ABCG8: variants seen among roughly 807,000 people sequenced by gnomAD.
The protein encoded by ABCG8 is ATP binding cassette subfamily G member 8, also known as ATP-binding cassette sub-family G member 8.
Under a neutral mutation model 71.3 loss-of-function variants are expected in ABCG8, and 81 were observed. That is an observed-to-expected ratio of 1.14 (90% CI 0.95 to 1.37). The LOEUF is 1.37. ABCG8 is among the 40% of genes most tolerant of loss of function. The probability of loss-of-function intolerance (pLI) is 0.00; values close to 1 mark genes in which losing one functional copy is unlikely to be tolerated. For synonymous variants in ABCG8, 451 were observed against 354.7 expected (o/e 1.27, Z -3.05); for missense variants, 1,119 against 866.2 (o/e 1.29, Z -3.66).
At chr2:43,875,009 C>T (rs981937350) in intron 10 of ABCG8, 137 bp from the exon 11 acceptor site, 7 of 1,276,652 alleles carry the variant, frequency 5.5e-6, no homozygotes, top group African/African-American at 2.9e-5. Context: ...TCCTGGGTCC[C>T]AGCACACCCT....
intron 11 of ABCG8, among the ~76,000 whole-genome samples, chr2:43,876,802 AAG>A (rs1465315287): frequency 4.7e-5 from 7 of 147,718 alleles, no homozygotes; most frequent in Admixed American, 2.7e-4. Flanking sequence ...TGGGAATATG[AAG>A]AGACTGTGTG....
rs1429159369 is a variant in ABCG8 at position 43,875,337 on chromosome 2, C to T, written c.1680C>T (p.Ser560=). The T allele has an allele frequency of 6.2e-7, 1 of 1,614,180 alleles. No homozygotes were observed. The highest frequency in any genetic ancestry group is 8.5e-7 in the Non-Finnish European group (1 of 1,180,034). ...AALLPTFHMA[S]FFSNALYNSF... is the part of the protein sequence containing the mutation. ...TGCTCCCCACCTTCCACATGGCCTC[C>T]TTCTTCAGCAATGCCCTCTACAACT... Residue 560 remains serine, a synonymous_variant, in exon 11 of 13, where the codon TCC becomes TCT. Transcript: ENST00000272286.
At chr2:43,876,795 G>A (rs1669972125) in intron 11 of ABCG8, among the ~76,000 whole-genome samples, 1 of 151,052 alleles carries the variant, frequency 6.6e-6, no homozygotes, top group Non-Finnish European at 1.5e-5. Context: ...GAGACCGTGG[G>A]AATATGAAGA....
Position 43,852,407 on chromosome 2 carries a change from G to A in ABCG8, c.615G>A (p.Val205=). ...TTAGGCAGTGCGCTGACACCCGCGT[G>A]GGCAACATGTACGTGCGGGGGTTGT... ...LRLRQCADTR[V]GNMYVRGLSG... is the part of the protein sequence containing the mutation. Residue 205 remains valine, a synonymous_variant, in exon 5 of 13, where the codon GTG becomes GTA. Transcript: ENST00000272286. The A allele has an allele frequency of 6.2e-7, 1 of 1,612,504 alleles. No homozygotes were observed. The highest frequency in any genetic ancestry group is 2.2e-5 in the East Asian group (1 of 44,876).
chr2:43,870,175 C>T (rs1306173376), intron 6 of ABCG8, among the ~76,000 whole-genome samples: 1 of 151,692 alleles, frequency 6.6e-6, no homozygotes, highest in East Asian at 2.0e-4. Flanking sequence ...AATTCTCACC[C>T]TCTGGATAGA....
At chr2:43,840,607 C>G (rs539780388) in intron 1 of ABCG8, among the ~76,000 whole-genome samples, 1 of 152,304 alleles carries the variant, frequency 6.6e-6, no homozygotes, top group Admixed American at 6.5e-5. Context: ...ATCAGTCAAG[C>G]TATAAGAACA....
intron 6 of ABCG8, among the ~76,000 whole-genome samples, chr2:43,859,669 C>T (rs1478600948): frequency 6.6e-6 from 1 of 151,262 alleles, no homozygotes; most frequent in African/African-American, 2.4e-5. Context: ...AGAACTCTCA[C>T]TATCTGGATA....
At chr2:43,860,731 C>A (rs1263423635) in intron 6 of ABCG8, among the ~76,000 whole-genome samples, 1 of 147,350 alleles carries the variant, frequency 6.8e-6, no homozygotes, top group East Asian at 1.9e-4. Flanking sequence ...GGAACTCTCA[C>A]TATCTGGATA....
intron 6 of ABCG8, among the ~76,000 whole-genome samples, chr2:43,860,640 A>G (rs938522405): frequency 1.3e-5 from 2 of 148,780 alleles, no homozygotes; most frequent in African/African-American, 5.0e-5. Context: ...TCTGGATAGA[A>G]CTCTCGCTAT....
intron 6 of ABCG8, among the ~76,000 whole-genome samples, chr2:43,854,884 C>T (rs191683543): frequency 2.0e-5 from 3 of 152,262 alleles, no homozygotes; most frequent in East Asian, 3.9e-4. Flanking sequence ...GCCTGGTGCT[C>T]CCTACAGGTT....
At chr2:43,855,349 T>C in intron 6 of ABCG8, among the ~76,000 whole-genome samples, 1 of 152,090 alleles carries the variant, frequency 6.6e-6, no homozygotes, top group South Asian at 2.1e-4. Context: ...TGGATAGAAT[T>C]CTCACTCTCT....
chr2:43,870,147 C>A (rs1349109139), intron 6 of ABCG8, among the ~76,000 whole-genome samples: 4 of 152,034 alleles, frequency 2.6e-5, no homozygotes, highest in African/African-American at 7.2e-5. Context: ...ATGGAACTCT[C>A]ACTACCTGTC....
chr2:43,873,962 G>A lies in ABCG8; in HGVS notation c.1387G>A (p.Val463Ile), dbSNP rs144061971. 8.7e-6 allele frequency: 14 copies of A among 1,613,876 alleles called. No individual in the cohort carries two copies. The highest frequency in any genetic ancestry group is 1.6e-4 in the Middle Eastern group (1 of 6,084). ...FMIGALIPFN[V>I]ILDVISKCYS... ...GATCGGTGCTCTCATCCCTTTCAAC[G>A]TCATTCTGGATGTCATCTCCAAATG... is the stretch of plus-strand genomic sequence containing the variant. The change falls in exon 9 of 13, where the codon GTC (valine) becomes ATC (isoleucine). Residue 463 changes from valine to isoleucine, a missense_variant. Transcript: ENST00000272286.
At chr2:43,852,245 C>T in intron 4 of ABCG8, 109 bp from the exon 5 acceptor site, 1 of 1,498,066 alleles carries the variant, frequency 6.7e-7, no homozygotes, top group South Asian at 1.1e-5. Context: ...TGTCTCCCTT[C>T]ACTTTCAAAC....
At position 43,873,827 on chromosome 2, in the gene ABCG8, C is replaced by T; in HGVS notation, c.1252C>T (p.Leu418Phe). 1 of 1,614,186 alleles carries T rather than the reference C, an allele frequency of 6.2e-7. No individual in the cohort carries two copies. The change falls in exon 9 of 13, where the codon CTC becomes TTC. Residue 418 changes from leucine to phenylalanine, a missense_variant. By Grantham distance (22) the Leu-to-Phe change is conservative. Coordinates refer to ENST00000272286, the MANE Select transcript of ABCG8 (RefSeq NM_022437.3). The stretch of plus-strand genomic sequence containing the variant: ...CGACTTCCGAGACCTGCCCACCCTC[C>T]TCATCCATGGGGCGGAGGCCTGTCT... ...SNDFRDLPTLLIHGAEACLMS... is the reference protein window; with the variant it reads ...SNDFRDLPTLFIHGAEACLMS...
intron 1 of ABCG8, among the ~76,000 whole-genome samples, chr2:43,842,782 T>G (rs1668621537): frequency 6.6e-6 from 1 of 151,612 alleles, no homozygotes; most frequent in African/African-American, 2.4e-5. Context: ...CTTTCCCATT[T>G]TTTTCTGTAT....
intron 8 of ABCG8, among the ~76,000 whole-genome samples, chr2:43,873,130 G>C (rs1669838296): frequency 6.6e-6 from 1 of 151,764 alleles, no homozygotes; most frequent in Admixed American, 6.6e-5. Context: ...TTGATGGCCA[G>C]ATTATCTTCA....
chr2:43,866,793 C>A (rs1472449327), intron 6 of ABCG8, among the ~76,000 whole-genome samples: 1 of 150,964 alleles, frequency 6.6e-6, no homozygotes, highest in East Asian at 1.9e-4. Context: ...TGTGGTGATT[C>A]CTCAGGGATC....
chr2:43,870,423 A>G (rs535259298), intron 6 of ABCG8, among the ~76,000 whole-genome samples: 1 of 151,430 alleles, frequency 6.6e-6, no homozygotes, highest in East Asian at 2.0e-4. Flanking sequence ...CTCACTATCT[A>G]TCTGGATAGA....
Sources: allele counts gnomAD v4.1 joint callset (sites outside exome capture counted in the v4.1 genomes callset), GRCh38; gene constraint gnomAD v4.1.1; transcripts MANE v1.5; gene names NCBI Gene and HGNC (gene_info 2026-07-23, HGNC 2026-07-21).